The following COL22A1 variants were observed in gnomAD, a reference collection of about 807,000 sequenced individuals.
COL22A1 encodes collagen type XXII alpha 1 chain.
COL22A1 carries 221 observed loss-of-function variants against 248.9 expected under a neutral mutation model. The ratio of observed to expected loss-of-function variants is 0.89; its 90% CI spans 0.80 to 0.99. COL22A1 has a LOEUF of 0.99. Ranked by LOEUF, COL22A1 falls within the 50% of genes least tolerant of loss-of-function variation. The probability of loss-of-function intolerance (pLI) is 0.00; values close to 1 mark genes in which losing one functional copy is unlikely to be tolerated. For missense variants in COL22A1, 2,240 were observed against 2,179.0 expected (o/e 1.03, Z -0.56); for synonymous variants, 891 against 793.4 (o/e 1.12, Z -2.07).
intron 3 of COL22A1, among the ~76,000 whole-genome samples, chr8:138,849,676 C>T (rs1274154317): frequency 6.6e-6 from 1 of 152,108 alleles, no homozygotes; most frequent in Non-Finnish European, 1.5e-5. Flanking sequence ...CCCATTTTGC[C>T]TTTTAAGAGT....
intron 30 of COL22A1, among the ~76,000 whole-genome samples, chr8:138,709,605 G>A (rs1365000450): frequency 7.2e-6 from 1 of 138,896 alleles, no homozygotes; most frequent in Admixed American, 7.6e-5. Context: ...CTTGGACACA[G>A]AGTGGGGAAC....
Position 138,877,815 on chromosome 8 carries a change from A to G in COL22A1, c.593T>C (p.Phe198Ser). The change falls in exon 3 of 65, where the codon TTC (phenylalanine) becomes TCC (serine). Residue 198 changes from phenylalanine to serine, a missense_variant. Transcript: ENST00000303045. Reference protein sequence around the residue: ...IASEPKSAHVFHVSDFNAIDK... With the variant: ...IASEPKSAHVSHVSDFNAIDK... ...GATGGCATTGAAGTCGGACACGTGGAAGACGTGGGCGGACTTGGGCTCTGA... is the reference window on the plus strand; with the variant it reads ...GATGGCATTGAAGTCGGACACGTGGGAGACGTGGGCGGACTTGGGCTCTGA... 1.2e-6 allele frequency: 2 copies of G among 1,611,886 alleles called. No individual in the cohort carries two copies. Among genetic ancestry groups the G allele is most frequent in the Non-Finnish European group, 1.7e-6 (2 of 1,178,940 alleles).
chr8:138,909,711 C>T (rs1815300826), intron 1 of COL22A1, among the ~76,000 whole-genome samples: 1 of 152,094 alleles, frequency 6.6e-6, no homozygotes, highest in Non-Finnish European at 1.5e-5. Context: ...TGAGTTTGTC[C>T]CAGGAGGCCT....
At chr8:138,721,361 T>C (rs1829856233) in intron 26 of COL22A1, among the ~76,000 whole-genome samples, 1 of 152,244 alleles carries the variant, frequency 6.6e-6, no homozygotes, top group Admixed American at 6.5e-5. Flanking sequence ...TAAAGTTCAT[T>C]TGTTCATTTG....
Position 138,715,956 on chromosome 8 carries a change from C to T in COL22A1, c.2464-221G>A, listed in dbSNP as rs570659296. On this transcript the variant is annotated intron_variant, in intron 29 of 64. Transcript: ENST00000303045. ...ACCTCATTCTCCATTTGTCCCCTGACAGATGGTGCCTTCCACCCCTCAGCC... is the reference window on the plus strand; with the variant it reads ...ACCTCATTCTCCATTTGTCCCCTGATAGATGGTGCCTTCCACCCCTCAGCC... 3.3e-5 allele frequency among the ~76,000 whole-genome samples: 5 copies of T among 152,290 alleles called. No homozygotes were observed. In the East Asian group the frequency reaches 7.7e-4, roughly 24 times the overall value.
intron 4 of COL22A1, among the ~76,000 whole-genome samples, chr8:138,841,821 C>T (rs919831496): frequency 6.6e-6 from 1 of 150,888 alleles, no homozygotes; most frequent in African/African-American, 2.5e-5. Flanking sequence ...CTCTTCCAGC[C>T]ACCAAGTAGA....
At chr8:138,710,603 C>CTATA (rs1262617199) in intron 30 of COL22A1, among the ~76,000 whole-genome samples, 3 of 97,956 alleles carry the variant, frequency 3.1e-5, no homozygotes, top group Non-Finnish European at 4.4e-5. Context: ...ATCTATCTAT[C>CTATA]TATCTATATA....
chr8:138,714,310 G>A (rs1018994922), intron 30 of COL22A1, among the ~76,000 whole-genome samples: 3 of 152,118 alleles, frequency 2.0e-5, no homozygotes, highest in Admixed American at 1.3e-4. Flanking sequence ...TTTTCTGTTT[G>A]TCCCTTTATA....
chr8:138,680,993 G>C (rs889693203), intron 39 of COL22A1, among the ~76,000 whole-genome samples: 2 of 150,380 alleles, frequency 1.3e-5, no homozygotes, highest in South Asian at 2.1e-4. Context: ...CTTCCCCCCG[G>C]GGGGGGTCTC....
chr8:138,716,607 A>C (rs534292624), intron 28 of COL22A1, among the ~76,000 whole-genome samples: 62 of 152,198 alleles, frequency 4.1e-4, no homozygotes, highest in Non-Finnish European at 7.6e-4. Context: ...GACAGTCCCC[A>C]AGTCTGGGAA....
At chr8:138,803,522 A>T (rs1817182079) in intron 10 of COL22A1, among the ~76,000 whole-genome samples, 2 of 151,398 alleles carry the variant, frequency 1.3e-5, no homozygotes, top group Non-Finnish European at 1.5e-5. Flanking sequence ...AAAGTATAAT[A>T]AAAAAATAAA....
chr8:138,869,433 T>C (rs1289645382), intron 3 of COL22A1, among the ~76,000 whole-genome samples: 2 of 152,076 alleles, frequency 1.3e-5, no homozygotes, highest in Non-Finnish European at 2.9e-5. Context: ...GCGCTGACAG[T>C]GAAGTGTTTG....
intron 1 of COL22A1, among the ~76,000 whole-genome samples, chr8:138,893,176 A>T (rs111441571): frequency 6.6e-6 from 1 of 152,236 alleles, no homozygotes; most frequent in African/African-American, 2.4e-5. Flanking sequence ...AGCTTGGAGC[A>T]AGTCCTCTTC....
intron 12 of COL22A1, among the ~76,000 whole-genome samples, chr8:138,794,386 C>CAAA (rs753489322): frequency 1.2e-3 from 149 of 128,652 alleles, no homozygotes; most frequent in African/African-American, 3.8e-3. Flanking sequence ...ACTCCATCTC[C>CAAA]AAAAAAAAAA....
intron 1 of COL22A1, among the ~76,000 whole-genome samples, chr8:138,897,573 T>G (rs7820219): frequency 0.19 from 25,280 of 133,554 alleles, 2,120 homozygotes; most frequent in South Asian, 0.24. Flanking sequence ...ATAATAATAA[T>G]AAGTAACTTA....
At chr8:138,706,155 C>T (rs1828422383) in intron 30 of COL22A1, among the ~76,000 whole-genome samples, 1 of 152,122 alleles carries the variant, frequency 6.6e-6, no homozygotes, top group African/African-American at 2.4e-5. Flanking sequence ...TAGAGACCTA[C>T]AAAAAGACTT....
At chr8:138,611,762 C>T (rs1490116467) in intron 56 of COL22A1, among the ~76,000 whole-genome samples, 2 of 152,224 alleles carry the variant, frequency 1.3e-5, no homozygotes, top group African/African-American at 4.8e-5. Context: ...TCAGGGGAGA[C>T]TGTGACTCTA....
chr8:138,700,151 A>C lies in COL22A1; in HGVS notation c.2560-7T>G, dbSNP rs1352690121. ...GTGGTGTGAACAGGGATGTCTGAAAAGGAAACCACAGAGATTAGAAAGATG... is the reference window on the plus strand; with the variant it reads ...GTGGTGTGAACAGGGATGTCTGAAACGGAAACCACAGAGATTAGAAAGATG... On this transcript the variant is annotated splice_region_variant and splice_polypyrimidine_tract_variant and intron_variant, in intron 31 of 64. Coordinates refer to ENST00000303045, the MANE Select transcript of COL22A1 (RefSeq NM_152888.3). 1 of 1,613,162 alleles carries C rather than the reference A, an allele frequency of 6.2e-7. No individual in the cohort carries two copies. The highest frequency in any genetic ancestry group is 8.5e-7 in the Non-Finnish European group (1 of 1,179,674).
At chr8:138,643,872 GT>G (rs940282414) in intron 47 of COL22A1, among the ~76,000 whole-genome samples, 1 of 151,954 alleles carries the variant, frequency 6.6e-6, no homozygotes, top group African/African-American at 2.4e-5. Context: ...GCTAATTTCT[GT>G]TTTTAGTAGA....
Sources: allele counts gnomAD v4.1 joint callset (sites outside exome capture counted in the v4.1 genomes callset), GRCh38; gene constraint gnomAD v4.1.1; transcripts MANE v1.5; gene names NCBI Gene and HGNC (gene_info 2026-07-23, HGNC 2026-07-21).